Variants in CYB5R4 observed in about 807,000 individuals in gnomAD.
CYB5R4 encodes the protein cytochrome b5 reductase 4.
Under a neutral mutation model 70.2 loss-of-function variants are expected in CYB5R4, and 55 were observed. That is an observed-to-expected ratio of 0.78 (90% CI 0.63 to 0.98). CYB5R4 has a LOEUF of 0.98. Among genes scored for constraint, CYB5R4 ranks in the 50% least tolerant of loss-of-function variants. CYB5R4 has a pLI of 0.00. For synonymous variants in CYB5R4, 197 were observed against 199.5 expected (o/e 0.99, Z 0.11); for missense variants, 562 against 612.6 (o/e 0.92, Z 0.87).
At chr6:83,953,129 T>C (rs1263500427) in intron 14 of CYB5R4, among the ~76,000 whole-genome samples, 1 of 152,172 alleles carries the variant, frequency 6.6e-6, no homozygotes, top group Admixed American at 6.5e-5. Flanking sequence ...GACTCTGTGA[T>C]TGAATAAATT....
intron 12 of CYB5R4, among the ~76,000 whole-genome samples, chr6:83,939,352 A>ATCAC (rs1442070990): frequency 6.6e-6 from 1 of 152,198 alleles, no homozygotes; most frequent in Non-Finnish European, 1.5e-5. Context: ...CATGGTGATT[A>ATCAC]TATCAACTGG....
At chr6:83,928,939 A>G (rs1278382712) in intron 10 of CYB5R4, among the ~76,000 whole-genome samples, 1 of 152,150 alleles carries the variant, frequency 6.6e-6, no homozygotes, top group African/African-American at 2.4e-5. Context: ...CTTTCCATGA[A>G]TTCTTTTATT....
chr6:83,901,249 G>C (rs375835949), intron 3 of CYB5R4, among the ~76,000 whole-genome samples: 1 of 152,122 alleles, frequency 6.6e-6, no homozygotes, highest in Non-Finnish European at 1.5e-5. Flanking sequence ...ATATGAAATT[G>C]TGGGTTGAAA....
chr6:83,885,429 G>T (rs2099460099), intron 2 of CYB5R4, among the ~76,000 whole-genome samples: 1 of 152,168 alleles, frequency 6.6e-6, no homozygotes, highest in Non-Finnish European at 1.5e-5. Context: ...AGTAAACAAA[G>T]AAGAAATGAA....
intron 2 of CYB5R4, among the ~76,000 whole-genome samples, chr6:83,866,455 G>A (rs374556485): frequency 2.6e-5 from 4 of 152,202 alleles, no homozygotes; most frequent in African/African-American, 9.6e-5. Flanking sequence ...GAGTGTTTCT[G>A]TTAAATATAT....
intron 3 of CYB5R4, among the ~76,000 whole-genome samples, chr6:83,904,202 T>C (rs1283434746): frequency 6.6e-6 from 1 of 152,160 alleles, no homozygotes; most frequent in African/African-American, 2.4e-5. Context: ...CCTTAGATAC[T>C]GCTTTTGCTA....
chr6:83,938,200 C>T lies in CYB5R4; in HGVS notation c.1108+1824C>T, dbSNP rs1277479149. 3.3e-5 allele frequency among the ~76,000 whole-genome samples: 5 copies of T among 152,252 alleles called. No individual in the cohort carries two copies. The East Asian group carries it at 9.7e-4, about 29-fold the overall frequency. ...CTACAAATCTAATGAAGGTGATTAT[C>T]ACCTTGTGAGAGAAGGACTGACGCA... On this transcript the variant is annotated intron_variant, in intron 12 of 15. Transcript: ENST00000369681.
intron 1 of CYB5R4, among the ~76,000 whole-genome samples, chr6:83,861,060 A>G (rs2099455856): frequency 6.6e-6 from 1 of 152,132 alleles, no homozygotes; most frequent in African/African-American, 2.4e-5. Context: ...TTTTTGACCT[A>G]TTTCTTGAAG....
intron 2 of CYB5R4, among the ~76,000 whole-genome samples, chr6:83,885,623 C>A (rs2099460128): frequency 6.6e-6 from 1 of 152,146 alleles, no homozygotes; most frequent in Non-Finnish European, 1.5e-5. Context: ...TTTAACCAAA[C>A]CCTATCATAT....
At chr6:83,877,076 C>G (rs80292093) in intron 2 of CYB5R4, among the ~76,000 whole-genome samples, 1,775 of 152,280 alleles carry the variant, frequency 0.012, 100 homozygotes, top group Admixed American at 0.093. Flanking sequence ...GTGATCCACC[C>G]GCCTCGGCCT....
intron 3 of CYB5R4, among the ~76,000 whole-genome samples, chr6:83,896,788 C>T (rs370502365): frequency 6.6e-5 from 10 of 152,118 alleles, no homozygotes; most frequent in African/African-American, 2.4e-4. Flanking sequence ...TGGATAGATA[C>T]CCAATAGTGG....
At chr6:83,892,390 G>A (rs2099461241) in intron 2 of CYB5R4, among the ~76,000 whole-genome samples, 1 of 151,986 alleles carries the variant, frequency 6.6e-6, no homozygotes, top group Admixed American at 6.6e-5. Flanking sequence ...TAAATTCATG[G>A]AAGTCATCAT....
At chr6:83,870,621 C>T (rs2099457440) in intron 2 of CYB5R4, among the ~76,000 whole-genome samples, 1 of 151,852 alleles carries the variant, frequency 6.6e-6, no homozygotes, top group South Asian at 2.1e-4. Context: ...AATATACTAT[C>T]TAAATAATAA....
chr6:83,905,359 T>A (rs1244606741), intron 3 of CYB5R4, among the ~76,000 whole-genome samples: 4 of 152,208 alleles, frequency 2.6e-5, no homozygotes, highest in Admixed American at 6.5e-5. Flanking sequence ...CAGTTTTTTT[T>A]AAATTTGCTT....
chr6:83,878,501 C>A (rs2099458937), intron 2 of CYB5R4, among the ~76,000 whole-genome samples: 1 of 152,128 alleles, frequency 6.6e-6, no homozygotes, highest in South Asian at 2.1e-4. Flanking sequence ...GCACACGCCA[C>A]CACGCCTGGC....
intron 2 of CYB5R4, among the ~76,000 whole-genome samples, chr6:83,892,493 A>G (rs937801661): frequency 2.0e-5 from 3 of 152,296 alleles, no homozygotes; most frequent in African/African-American, 2.4e-5. Context: ...TCTGGTATCT[A>G]TCTAGTTTTC....
At chr6:83,932,743 T>A (rs1464829380) in intron 10 of CYB5R4, among the ~76,000 whole-genome samples, 1 of 152,162 alleles carries the variant, frequency 6.6e-6, no homozygotes, top group African/African-American at 2.4e-5. Flanking sequence ...CAGGGCTGTT[T>A]ATGTGAAAAG....
chr6:83,927,069 G>C (rs749835336), intron 10 of CYB5R4, among the ~76,000 whole-genome samples: 11 of 152,098 alleles, frequency 7.2e-5, no homozygotes, highest in Admixed American at 4.6e-4. Context: ...TCTGATTTCC[G>C]TTCTTCCTGT....
chr6:83,906,602 A>G (rs910385542), intron 3 of CYB5R4, among the ~76,000 whole-genome samples: 1 of 152,196 alleles, frequency 6.6e-6, no homozygotes, highest in African/African-American at 2.4e-5. Flanking sequence ...AGCTGATCCC[A>G]GCCCTGTAGG....
Sources: allele counts gnomAD v4.1 joint callset (sites outside exome capture counted in the v4.1 genomes callset), GRCh38; gene constraint gnomAD v4.1.1; transcripts MANE v1.5; gene names NCBI Gene and HGNC (gene_info 2026-07-23, HGNC 2026-07-21).